The following MACROD2 variants were observed in gnomAD, a reference collection of about 807,000 sequenced individuals.
MACROD2 encodes the protein ADP-ribose glycohydrolase MACROD2.
Under a neutral mutation model 70.4 loss-of-function variants are expected in MACROD2, and 36 were observed. The observed-to-expected ratio is 0.51, with a 90% CI of 0.39 to 0.68. The LOEUF is 0.68. Ranked by LOEUF, MACROD2 falls within the 30% of genes least tolerant of loss-of-function variation. The probability of loss-of-function intolerance (pLI) is 0.00; values close to 1 mark genes in which losing one functional copy is unlikely to be tolerated. For synonymous variants in MACROD2, 172 were observed against 178.8 expected (o/e 0.96, Z 0.30); for missense variants, 496 against 538.4 (o/e 0.92, Z 0.78).
chr20:15,899,985 C>T (rs1050583528), intron 10 of MACROD2, among the ~76,000 whole-genome samples: 20 of 151,880 alleles, frequency 1.3e-4, no homozygotes, highest in Non-Finnish European at 2.2e-4. Context: ...TTGTATTTCC[C>T]GAGAGGCAGA....
chr20:14,354,354 A>G (rs1286358028), intron 3 of MACROD2, among the ~76,000 whole-genome samples: 1 of 152,232 alleles, frequency 6.6e-6, no homozygotes, highest in South Asian at 2.1e-4. Context: ...GTTTGCATTA[A>G]AAATGTTTTT....
At chr20:14,561,705 A>G (rs931972373) in intron 4 of MACROD2, among the ~76,000 whole-genome samples, 3 of 151,888 alleles carry the variant, frequency 2.0e-5, no homozygotes, top group Admixed American at 1.3e-4. Context: ...ACAACAATTT[A>G]AACACATAAA....
rs560870316 is a variant in MACROD2, at chr20:14,202,697, G to A, written c.271+116969G>A. Reference sequence around the variant, plus strand: ...TCTACAGACTACCTAGTTGCAGAAAGCAATGGATTCTTAGTTCTTGAGGAG... The same window carrying A: ...TCTACAGACTACCTAGTTGCAGAAAACAATGGATTCTTAGTTCTTGAGGAG... On this transcript the variant is annotated intron_variant, in intron 3 of 17. Coordinates refer to ENST00000684519, the MANE Select transcript of MACROD2 (RefSeq NM_001351661.2). Among the ~76,000 whole-genome samples the A allele has an allele frequency of 6.6e-5, 10 of 152,318 alleles. No homozygotes were observed. In the South Asian group the frequency reaches 1.2e-3, roughly 19 times the overall value.
chr20:14,085,319 C>T (rs2054063875), intron 2 of MACROD2, among the ~76,000 whole-genome samples: 1 of 151,832 alleles, frequency 6.6e-6, no homozygotes, highest in Non-Finnish European at 1.5e-5. Context: ...TGTAATGGTA[C>T]ATAATTTTAT....
intron 3 of MACROD2, among the ~76,000 whole-genome samples, chr20:14,329,904 G>A (rs1352406535): frequency 6.6e-6 from 1 of 151,956 alleles, no homozygotes; most frequent in Non-Finnish European, 1.5e-5. Flanking sequence ...CTCTTTAGGG[G>A]TGTATCTAAG....
intron 8 of MACROD2, among the ~76,000 whole-genome samples, chr20:15,590,404 C>T (rs1278389523): frequency 6.6e-6 from 1 of 152,184 alleles, no homozygotes; most frequent in East Asian, 1.9e-4. Flanking sequence ...TCAGACCCAG[C>T]CTTTAACTCC....
intron 2 of MACROD2, among the ~76,000 whole-genome samples, chr20:14,083,327 G>A (rs2054025980): frequency 6.6e-6 from 1 of 151,776 alleles, no homozygotes; most frequent in Non-Finnish European, 1.5e-5. Flanking sequence ...GGAGGCTGAG[G>A]CATGAGAATC....
intron 5 of MACROD2, among the ~76,000 whole-genome samples, chr20:14,813,914 C>A (rs2072744172): frequency 6.6e-6 from 1 of 152,012 alleles, no homozygotes; most frequent in South Asian, 2.1e-4. Flanking sequence ...TGGTGACCAG[C>A]CCCCATTCTG....
chr20:15,356,630 A>G (rs2146235671), intron 6 of MACROD2, among the ~76,000 whole-genome samples: 1 of 152,266 alleles, frequency 6.6e-6, no homozygotes, highest in Middle Eastern at 3.4e-3. Flanking sequence ...CTGAAAGTAC[A>G]AAAATTAGCT....
chr20:14,641,297 G>GT (rs1985077413), intron 4 of MACROD2, among the ~76,000 whole-genome samples: 1 of 152,152 alleles, frequency 6.6e-6, no homozygotes, highest in Non-Finnish European at 1.5e-5. Context: ...TTATCTTGCT[G>GT]TTTCCACCAC....
chr20:15,739,118 G>C (rs190065970), intron 8 of MACROD2, among the ~76,000 whole-genome samples: 239 of 152,260 alleles, frequency 1.6e-3, no homozygotes, highest in Non-Finnish European at 2.6e-3. Flanking sequence ...TGACAGTGAG[G>C]AATGAGAGAT....
intron 3 of MACROD2, among the ~76,000 whole-genome samples, chr20:14,280,951 C>T (rs1439946100): frequency 6.6e-6 from 1 of 152,146 alleles, no homozygotes; most frequent in Non-Finnish European, 1.5e-5. Context: ...CAAGTTATTA[C>T]TTTTAGGAAA....
chr20:14,466,175 T>C lies in MACROD2; in HGVS notation c.272-27304T>C, dbSNP rs1163890147. Among the ~76,000 whole-genome samples the C allele has an allele frequency of 4.6e-5, 7 of 152,106 alleles. No homozygotes were observed. In the East Asian group the frequency reaches 7.7e-4, roughly 17 times the overall value. ...CCCCGTCACTTTCAGGTACACAAAT[T>C]GGACGTAGATTTGGTCTTTTCACAT... On this transcript the variant is annotated intron_variant, in intron 3 of 17. Coordinates refer to ENST00000684519, the MANE Select transcript of MACROD2 (RefSeq NM_001351661.2).
chr20:14,567,916 A>G (rs942406078), intron 4 of MACROD2, among the ~76,000 whole-genome samples: 1 of 152,024 alleles, frequency 6.6e-6, no homozygotes, highest in African/African-American at 2.4e-5. Context: ...GGAGAGAGAA[A>G]TTATGCATTA....
intron 9 of MACROD2, 29 bp downstream of exon 9, chr20:15,862,855 C>T: frequency 6.5e-7 from 1 of 1,530,096 alleles, no homozygotes; most frequent in Admixed American, 1.8e-5. Flanking sequence ...TGTTTTCTTT[C>T]AAATTGAGGA....
chr20:14,551,947 T>G (rs528684567), intron 4 of MACROD2, among the ~76,000 whole-genome samples: 3 of 152,222 alleles, frequency 2.0e-5, no homozygotes, highest in African/African-American at 7.2e-5. Flanking sequence ...TTATTTCACT[T>G]TTTTGAGTGA....
chr20:14,157,725 C>T (rs2055123996), intron 3 of MACROD2, among the ~76,000 whole-genome samples: 1 of 152,122 alleles, frequency 6.6e-6, no homozygotes, highest in South Asian at 2.1e-4. Context: ...TAATGACCTC[C>T]TCTTCAATCC....
intron 5 of MACROD2, among the ~76,000 whole-genome samples, chr20:14,862,932 A>G (rs2073387681): frequency 1.3e-5 from 2 of 151,084 alleles, no homozygotes; most frequent in Non-Finnish European, 2.9e-5. Flanking sequence ...AAATAGTAAT[A>G]CAAAAATGCT....
At chr20:15,086,046 C>T (rs534089661) in intron 5 of MACROD2, among the ~76,000 whole-genome samples, 46 of 152,136 alleles carry the variant, frequency 3.0e-4, no homozygotes, top group African/African-American at 9.6e-4. Flanking sequence ...ATTAGAACCT[C>T]GCTCTGGTGA....
Sources: allele counts gnomAD v4.1 joint callset (sites outside exome capture counted in the v4.1 genomes callset), GRCh38; gene constraint gnomAD v4.1.1; transcripts MANE v1.5; gene names NCBI Gene and HGNC (gene_info 2026-07-23, HGNC 2026-07-21).